The following FRMD4B variants were observed in gnomAD, a reference collection of about 807,000 sequenced individuals.
The protein encoded by FRMD4B is FERM domain-containing protein 4B.
Under a neutral mutation model 141.5 loss-of-function variants are expected in FRMD4B, and 74 were observed. That is an observed-to-expected ratio of 0.52 (90% CI 0.43 to 0.63). FRMD4B has a LOEUF of 0.63. Among genes scored for constraint, FRMD4B ranks in the 30% least tolerant of loss-of-function variants. The probability of loss-of-function intolerance (pLI) is 0.00; values close to 1 mark genes in which losing one functional copy is unlikely to be tolerated. For missense variants in FRMD4B, 1,366 were observed against 1,253.4 expected, an observed-to-expected ratio of 1.09 and a Z score of -1.36; for synonymous variants, 506 against 467.9, an observed-to-expected ratio of 1.08 and a Z score of -1.05.
In FRMD4B at chr3:69,169,377, T is replaced by C. The variant is rs1439537955; in HGVS notation, c.*2484A>G. ...TCTTTTTTTTTTTTTTTTTTTTTTC[T>C]TGAGACAAGGTCTGTTATTGCCTAG... is the stretch of plus-strand genomic sequence containing the variant. On this transcript the variant is annotated 3_prime_UTR_variant, in exon 23 of 23. Coordinates refer to ENST00000398540, the MANE Select transcript of FRMD4B (RefSeq NM_015123.3). Among the ~76,000 whole-genome samples, 1 of 109,020 alleles carries C rather than the reference T, an allele frequency of 9.2e-6. No homozygotes were observed. The highest frequency in any genetic ancestry group is 3.4e-5 in the African/African-American group (1 of 29,812). The allele number at this position is 109,020 out of a possible 152,430, so 71.5% of individuals were successfully genotyped here.
At chr3:69,373,058 A>G (rs571808942) in intron 1 of FRMD4B, among the ~76,000 whole-genome samples, 4 of 152,328 alleles carry the variant, frequency 2.6e-5, no homozygotes, top group African/African-American at 4.8e-5. Flanking sequence ...CTTTAGGGAT[A>G]ACTGGGGTGA....
chr3:69,469,726 G>T (rs1237470486), intron 1 of FRMD4B, among the ~76,000 whole-genome samples: 8 of 152,216 alleles, frequency 5.3e-5, no homozygotes, highest in Non-Finnish European at 1.0e-4. Flanking sequence ...AGAGAAAAAT[G>T]ATAGTGCTAA....
intron 1 of FRMD4B, among the ~76,000 whole-genome samples, chr3:69,468,342 C>G (rs1327278736): frequency 6.6e-6 from 1 of 151,976 alleles, no homozygotes; most frequent in Non-Finnish European, 1.5e-5. Flanking sequence ...ATAGTGTTTT[C>G]TTGTGTAGTA....
intron 1 of FRMD4B, among the ~76,000 whole-genome samples, chr3:69,486,924 A>C (rs1706224576): frequency 6.6e-6 from 1 of 152,122 alleles, no homozygotes; most frequent in South Asian, 2.1e-4. Flanking sequence ...GGATAAATAA[A>C]AGACAAAACA....
intron 5 of FRMD4B, among the ~76,000 whole-genome samples, chr3:69,276,771 C>T (rs1452056663): frequency 2.0e-5 from 3 of 152,132 alleles, no homozygotes; most frequent in Non-Finnish European, 4.4e-5. Flanking sequence ...TCTAGACCAG[C>T]CTGGCCAATA....
chr3:69,426,222 A>C (rs1186632341), intron 2 of FRMD4B, among the ~76,000 whole-genome samples: 10 of 152,224 alleles, frequency 6.6e-5, no homozygotes, highest in Non-Finnish European at 1.5e-4. Context: ...CAGGTGTTGC[A>C]CCCATATAGT....
At chr3:69,210,417 CTTT>C (rs35982668) in intron 11 of FRMD4B, among the ~76,000 whole-genome samples, 82 of 145,762 alleles carry the variant, frequency 5.6e-4, no homozygotes, top group African/African-American at 1.9e-3. Context: ...CACAAGGCTG[CTTT>C]TTTTTTTTTC....
At chr3:69,511,576 G>A (rs900190893) in intron 1 of FRMD4B, among the ~76,000 whole-genome samples, 7 of 152,238 alleles carry the variant, frequency 4.6e-5, no homozygotes, top group South Asian at 2.1e-4. Context: ...CCCAGCTGTC[G>A]CTCCTCTAGA....
chr3:69,296,054 A>T (rs1270462540), intron 4 of FRMD4B, among the ~76,000 whole-genome samples: 5 of 151,874 alleles, frequency 3.3e-5, no homozygotes, highest in African/African-American at 1.2e-4. Context: ...TGACCTTGTG[A>T]TCCACCCATC....
chr3:69,449,587 T>C (rs1356168316), intron 1 of FRMD4B, among the ~76,000 whole-genome samples: 2 of 152,196 alleles, frequency 1.3e-5, no homozygotes, highest in African/African-American at 4.8e-5. Context: ...TATGATCACA[T>C]TTTCTGGACA....
At chr3:69,291,887 T>C (rs181052386) in intron 4 of FRMD4B, among the ~76,000 whole-genome samples, 2 of 148,280 alleles carry the variant, frequency 1.3e-5, no homozygotes, top group Admixed American at 6.8e-5. Flanking sequence ...CTAGGGATAA[T>C]ACAAAGTGCT....
chr3:69,325,110 AAAGAAAGAAAG>A (rs1702149851), intron 1 of FRMD4B, among the ~76,000 whole-genome samples: 1 of 151,810 alleles, frequency 6.6e-6, no homozygotes, highest in African/African-American at 2.4e-5. Context: ...AGAAAGAAAG[AAAGAAAGAAAG>A]AAAGAAAAGA....
chr3:69,491,613 T>A (rs2107025431), intron 1 of FRMD4B, among the ~76,000 whole-genome samples: 1 of 152,334 alleles, frequency 6.6e-6, no homozygotes, highest in South Asian at 2.1e-4. Flanking sequence ...GAGACAGGGT[T>A]AAAGTTACAA....
chr3:69,387,321 C>T (rs998549631), upstream of FRMD4B, among the ~76,000 whole-genome samples: 14 of 152,154 alleles, frequency 9.2e-5, no homozygotes, highest in African/African-American at 3.1e-4. Flanking sequence ...CTCACTATGT[C>T]GCCCAGGCTG....
At chr3:69,445,760 A>T (rs1007712394) in intron 1 of FRMD4B, among the ~76,000 whole-genome samples, 9 of 152,108 alleles carry the variant, frequency 5.9e-5, no homozygotes, top group Non-Finnish European at 8.8e-5. Flanking sequence ...CATAATTCGA[A>T]TTCAACTCGC....
intron 3 of FRMD4B, among the ~76,000 whole-genome samples, chr3:69,308,970 T>C (rs1047450140): frequency 6.6e-6 from 1 of 152,204 alleles, no homozygotes; most frequent in Non-Finnish European, 1.5e-5. Context: ...TAATTGCTGA[T>C]ATTCCTTTGA....
At chr3:69,387,940 T>C (rs139226006), upstream of FRMD4B, among the ~76,000 whole-genome samples, 15 of 152,156 alleles carry the variant, frequency 9.9e-5, no homozygotes, top group East Asian at 2.3e-3. Context: ...TTTTTCAAGA[T>C]GATGGTAACG....
At chr3:69,493,136 A>G (rs927245995) in intron 1 of FRMD4B, among the ~76,000 whole-genome samples, 6 of 152,232 alleles carry the variant, frequency 3.9e-5, no homozygotes, top group Non-Finnish European at 8.8e-5. Context: ...ACTCACACTC[A>G]CATGCATGAC....
At chr3:69,502,291 G>A (rs1466068736) in intron 1 of FRMD4B, among the ~76,000 whole-genome samples, 1 of 152,112 alleles carries the variant, frequency 6.6e-6, no homozygotes, top group Non-Finnish European at 1.5e-5. Flanking sequence ...ATACTACAAG[G>A]CTACAGTAAC....
Sources: gnomAD v4.1 joint callset for allele counts (sites outside exome capture counted in the v4.1 genomes callset) on GRCh38, gnomAD v4.1.1 for gene constraint, MANE v1.5 for transcripts, NCBI Gene and HGNC (gene_info 2026-07-23, HGNC 2026-07-21) for gene names.